The following KSR2 variants were observed in gnomAD, a reference collection of about 807,000 sequenced individuals.
KSR2 encodes kinase suppressor of ras 2.
In KSR2, 25 loss-of-function variants were observed where a neutral mutation model predicts 107.8. That is an observed-to-expected ratio of 0.23 (90% confidence interval 0.17 to 0.32). The LOEUF is 0.32. Ranked by LOEUF, KSR2 falls within the 10% of genes least tolerant of loss-of-function variation. The probability of loss-of-function intolerance (pLI) is 1.00; values close to 1 mark genes in which losing one functional copy is unlikely to be tolerated. For missense variants in KSR2, 887 were observed against 1,268.9 expected (o/e 0.70, Z 4.57); for synonymous variants, 480 against 507.0 (o/e 0.95, Z 0.71).
At chr12:117,508,971 T>C (rs1282026054) in intron 14 of KSR2, among the ~76,000 whole-genome samples, 1 of 151,128 alleles carries the variant, frequency 6.6e-6, no homozygotes, top group Non-Finnish European at 1.5e-5. Flanking sequence ...GGTGGGCTTA[T>C]ATTGAATAGA....
intron 1 of KSR2, among the ~76,000 whole-genome samples, chr12:117,941,401 C>T (rs952256585): frequency 2.6e-5 from 4 of 152,022 alleles, no homozygotes; most frequent in African/African-American, 9.7e-5. Flanking sequence ...ATTAGTCTTC[C>T]TTGTCATTGA....
intron 14 of KSR2, among the ~76,000 whole-genome samples, chr12:117,487,878 T>G (rs1370230076): frequency 6.6e-6 from 1 of 152,154 alleles, no homozygotes; most frequent in Non-Finnish European, 1.5e-5. Context: ...ACCGCACCAG[T>G]TTGGCACAGC....
intron 5 of KSR2, among the ~76,000 whole-genome samples, chr12:117,612,876 T>C (rs1881679020): frequency 6.6e-6 from 1 of 152,166 alleles, no homozygotes. Context: ...CCTAATGGTT[T>C]TTTAAGTGGC....
intron 14 of KSR2, among the ~76,000 whole-genome samples, chr12:117,486,042 C>T (rs1471028311): frequency 1.3e-5 from 2 of 152,228 alleles, no homozygotes; most frequent in Non-Finnish European, 2.9e-5. Flanking sequence ...GCCACTCAGA[C>T]AGCATTCTGT....
At chr12:117,484,933 C>T (rs555874645) in intron 15 of KSR2, among the ~76,000 whole-genome samples, 78 of 152,362 alleles carry the variant, frequency 5.1e-4, no homozygotes, top group African/African-American at 1.7e-3. Context: ...TTAACCTATG[C>T]TGCCGCAGAA....
chr12:117,507,591 G>C (rs1873778549), intron 14 of KSR2, among the ~76,000 whole-genome samples: 1 of 152,176 alleles, frequency 6.6e-6, no homozygotes, highest in Non-Finnish European at 1.5e-5. Flanking sequence ...GGCCGTGAAG[G>C]CTGGCTGGTG....
At chr12:117,648,762 A>G (rs903538861) in intron 5 of KSR2, among the ~76,000 whole-genome samples, 4 of 152,230 alleles carry the variant, frequency 2.6e-5, no homozygotes, top group African/African-American at 9.6e-5. Flanking sequence ...ATGGGCTGGC[A>G]TGGGCCAAAT....
At chr12:117,518,818 C>T (rs1205727522) in intron 14 of KSR2, among the ~76,000 whole-genome samples, 1 of 152,224 alleles carries the variant, frequency 6.6e-6, no homozygotes, top group Non-Finnish European at 1.5e-5. Context: ...TCTTTCTCTG[C>T]CTCTTGGCAT....
At chr12:117,816,520 G>A (rs909541608) in intron 3 of KSR2, among the ~76,000 whole-genome samples, 1 of 152,178 alleles carries the variant, frequency 6.6e-6, no homozygotes, top group Non-Finnish European at 1.5e-5. Flanking sequence ...AAGTGTCTGT[G>A]ACCTGGCTTT....
chr12:117,492,454 C>T (rs1269860569), intron 14 of KSR2, among the ~76,000 whole-genome samples: 2 of 143,932 alleles, frequency 1.4e-5, no homozygotes, highest in Admixed American at 6.7e-5. Context: ...GAGCAGCCAC[C>T]TCTGAGGACT....
chr12:117,938,851 T>C (rs1398968257), intron 1 of KSR2, among the ~76,000 whole-genome samples: 4 of 152,206 alleles, frequency 2.6e-5, no homozygotes, highest in African/African-American at 4.8e-5. Flanking sequence ...CCCTTTCAGA[T>C]ACCGTGTCCA....
At chr12:117,711,888 A>G (rs1886797982) in intron 4 of KSR2, among the ~76,000 whole-genome samples, 1 of 152,142 alleles carries the variant, frequency 6.6e-6, no homozygotes, top group Non-Finnish European at 1.5e-5. Context: ...GTTGCCCCAG[A>G]AGTGTGGGGA....
chr12:117,698,328 T>C (rs977798162), intron 4 of KSR2, among the ~76,000 whole-genome samples: 1 of 152,084 alleles, frequency 6.6e-6, no homozygotes, highest in Admixed American at 6.6e-5. Flanking sequence ...TCTCAGATTT[T>C]TTTTTTTTCT....
chr12:117,637,563 C>G (rs1449598667), intron 5 of KSR2, among the ~76,000 whole-genome samples: 2 of 151,662 alleles, frequency 1.3e-5, no homozygotes, highest in African/African-American at 4.8e-5. Flanking sequence ...ATTTCCAACA[C>G]TTTTCCTGAT....
chr12:117,955,885 A>G (rs1005759832), intron 1 of KSR2, among the ~76,000 whole-genome samples: 1 of 151,842 alleles, frequency 6.6e-6, no homozygotes, highest in Non-Finnish European at 1.5e-5. Context: ...CATACAGGTG[A>G]AATTAATTTT....
intron 4 of KSR2, among the ~76,000 whole-genome samples, chr12:117,687,093 G>A (rs1255942411): frequency 6.6e-6 from 1 of 152,162 alleles, no homozygotes; most frequent in Non-Finnish European, 1.5e-5. Flanking sequence ...CCTCAAAGCG[G>A]CGATTCTGTG....
chr12:117,675,836 C>T (rs1885095916), intron 4 of KSR2, among the ~76,000 whole-genome samples: 1 of 152,202 alleles, frequency 6.6e-6, no homozygotes, highest in Non-Finnish European at 1.5e-5. Flanking sequence ...CAGACAAGCT[C>T]CTCACAAGCC....
At chr12:117,612,143 G>A (rs766915535) in intron 5 of KSR2, among the ~76,000 whole-genome samples, 8 of 152,120 alleles carry the variant, frequency 5.3e-5, no homozygotes, top group South Asian at 2.1e-4. Flanking sequence ...AGTGGCTCAC[G>A]CCTGTAATCC....
intron 4 of KSR2, among the ~76,000 whole-genome samples, chr12:117,671,730 G>C (rs1884912144): frequency 6.6e-6 from 1 of 152,194 alleles, no homozygotes; most frequent in Non-Finnish European, 1.5e-5. Context: ...CCCTTCCCAA[G>C]GAGTGCGCTT....
Sources: allele counts gnomAD v4.1 joint callset (sites outside exome capture counted in the v4.1 genomes callset), GRCh38; gene constraint gnomAD v4.1.1; transcripts MANE v1.5; gene names NCBI Gene and HGNC (gene_info 2026-07-23, HGNC 2026-07-21).